Variants in SLC25A48 observed in about 807,000 individuals in gnomAD.
The protein encoded by SLC25A48 is CTC-321K16.1.
Under a neutral mutation model 32.2 loss-of-function variants are expected in SLC25A48, and 29 were observed. The observed-to-expected ratio is 0.90, with a 90% CI of 0.67 to 1.23. The LOEUF (loss-of-function observed/expected upper bound fraction) is 1.23. SLC25A48 is among the 50% of genes most tolerant of loss of function. The probability of loss-of-function intolerance (pLI) is 0.00; values close to 1 mark genes in which losing one functional copy is unlikely to be tolerated. For missense variants in SLC25A48, 399 were observed against 422.7 expected (o/e 0.94, Z 0.49); for synonymous variants, 164 against 172.3 (o/e 0.95, Z 0.38).
At chr5:135,785,773 A>G (rs1435505286) in intron 3 of SLC25A48, among the ~76,000 whole-genome samples, 1 of 144,112 alleles carries the variant, frequency 6.9e-6, no homozygotes, top group African/African-American at 2.6e-5. Context: ...CGCTTGCCCC[A>G]TGGATCGTAA....
chr5:135,830,928 T>C (rs1364923407), upstream of SLC25A48, among the ~76,000 whole-genome samples: 5 of 151,998 alleles, frequency 3.3e-5, no homozygotes, highest in African/African-American at 1.2e-4. Flanking sequence ...CTGAGCGGCA[T>C]GGTGAGAGTT....
chr5:135,679,081 T>C (rs1419441222), intron 3 of SLC25A48, among the ~76,000 whole-genome samples: 1 of 152,154 alleles, frequency 6.6e-6, no homozygotes, highest in African/African-American at 2.4e-5. Flanking sequence ...CTTGGGCCCC[T>C]GGGCAGCAGT....
At chr5:135,826,845 C>T (rs1758071031) in intron 4 of SLC25A48, 1 of 152,258 alleles carries the variant, frequency 6.6e-6, no homozygotes, top group African/African-American at 2.4e-5. Flanking sequence ...TACATTCTTC[C>T]TCAGTGGGTC....
chr5:135,599,747 T>G (rs1751743520), intron 1 of SLC25A48, among the ~76,000 whole-genome samples: 1 of 152,220 alleles, frequency 6.6e-6, no homozygotes. Context: ...CTTGTTCATT[T>G]TATCCAGCCA....
At chr5:135,808,485 T>C (rs1457788470) in intron 3 of SLC25A48, among the ~76,000 whole-genome samples, 2 of 152,102 alleles carry the variant, frequency 1.3e-5, no homozygotes, top group Non-Finnish European at 2.9e-5. Context: ...CTCCAAAGAA[T>C]ACTTTACCAT....
At chr5:135,689,496 G>A (rs1265818202) in intron 3 of SLC25A48, among the ~76,000 whole-genome samples, 1 of 152,166 alleles carries the variant, frequency 6.6e-6, no homozygotes, top group Non-Finnish European at 1.5e-5. Context: ...AAAAGAAAGG[G>A]CCTTGAGAGC....
chr5:135,639,695 A>G lies in SLC25A48; in HGVS notation c.-521+4739A>G, dbSNP rs72789409. On this transcript the variant is annotated intron_variant, in intron 3 of 10. Transcript: ENST00000646290. Reference sequence around the variant, plus strand: ...GTATTAGGAATAAGGACCATGCTCTAGAGTAAAGTTCATACCCTGAGACTA... The same window carrying G: ...GTATTAGGAATAAGGACCATGCTCTGGAGTAAAGTTCATACCCTGAGACTA... Among the ~76,000 whole-genome samples the G allele has an allele frequency of 6.4e-3, 970 of 152,366 alleles. 2 individuals carry two copies. Among genetic ancestry groups the G allele is most frequent in the Non-Finnish European group, 9.5e-3 (643 of 68,040 alleles).
At chr5:135,675,270 A>G (rs898920256) in intron 3 of SLC25A48, among the ~76,000 whole-genome samples, 7 of 152,014 alleles carry the variant, frequency 4.6e-5, no homozygotes, top group African/African-American at 1.7e-4. Context: ...TAGTTTGAAA[A>G]TATTTTCTCC....
chr5:135,762,227 A>G (rs1756078191), intron 3 of SLC25A48, among the ~76,000 whole-genome samples: 1 of 152,214 alleles, frequency 6.6e-6, no homozygotes, highest in African/African-American at 2.4e-5. Context: ...GGGGCTAGGA[A>G]ATCTATGTGT....
intron 7 of SLC25A48, 103 bp from the exon 8 acceptor site, chr5:135,887,929 G>A: frequency 1.8e-6 from 2 of 1,096,016 alleles, no homozygotes; most frequent in Non-Finnish European, 2.7e-6. Context: ...ACTGTAAAGT[G>A]CAAAACATAG....
intron 2 of SLC25A48, among the ~76,000 whole-genome samples, chr5:135,849,468 C>T (rs995476878): frequency 6.6e-6 from 1 of 152,178 alleles, no homozygotes; most frequent in African/African-American, 2.4e-5. Context: ...ACCCTCTATG[C>T]CTGTCAGCTC....
At chr5:135,620,841 A>G (rs1277788195) in intron 1 of SLC25A48, among the ~76,000 whole-genome samples, 1 of 152,100 alleles carries the variant, frequency 6.6e-6, no homozygotes, top group African/African-American at 2.4e-5. Context: ...GCGAGAGTTG[A>G]GGGGCTCTCC....
intron 7 of SLC25A48, among the ~76,000 whole-genome samples, chr5:135,885,314 C>G (rs1182914018): frequency 6.6e-6 from 1 of 152,128 alleles, no homozygotes; most frequent in African/African-American, 2.4e-5. Flanking sequence ...AAAGGGTTCC[C>G]AAGTGATCCC....
At chr5:135,749,046 T>A (rs1191966539) in intron 3 of SLC25A48, among the ~76,000 whole-genome samples, 1 of 152,116 alleles carries the variant, frequency 6.6e-6, no homozygotes, top group Admixed American at 6.5e-5. Context: ...CAGGTCCATT[T>A]TGTTCTTCCT....
At chr5:135,682,984 G>A (rs188455999) in intron 3 of SLC25A48, among the ~76,000 whole-genome samples, 2 of 152,304 alleles carry the variant, frequency 1.3e-5, no homozygotes, top group African/African-American at 4.8e-5. Context: ...AGAGAGGGTA[G>A]AAGGGATTAA....
At chr5:135,878,389 C>T (rs540937556) in intron 6 of SLC25A48, among the ~76,000 whole-genome samples, 1 of 152,314 alleles carries the variant, frequency 6.6e-6, no homozygotes, top group East Asian at 1.9e-4. Flanking sequence ...GGCTGTTATT[C>T]AGTCACTCTG....
chr5:135,693,239 T>A (rs1185271748), intron 3 of SLC25A48, among the ~76,000 whole-genome samples: 1 of 152,218 alleles, frequency 6.6e-6, no homozygotes, highest in African/African-American at 2.4e-5. Flanking sequence ...CATAGTCTAC[T>A]GTGGTAAATG....
At chr5:135,792,267 A>G (rs1757050906) in intron 3 of SLC25A48, among the ~76,000 whole-genome samples, 1 of 151,816 alleles carries the variant, frequency 6.6e-6, no homozygotes, top group South Asian at 2.1e-4. Flanking sequence ...GCATGTGTGT[A>G]CAACCCCTGT....
Position 135,671,044 on chromosome 5 carries a change from C to T in SLC25A48, c.-521+36088C>T, listed in dbSNP as rs891490854. Among the ~76,000 whole-genome samples the T allele has an allele frequency of 4.7e-4, 71 of 152,250 alleles. 1 individual carries two copies. Among genetic ancestry groups the T allele is most frequent in the Non-Finnish European group, 5.9e-5 (4 of 68,022 alleles). ...TTGGGGCCTGCTGTCATGGCACGGA[C>T]GAATGGCTTGGGGGTCAGTGTTGGG... On this transcript the variant is annotated intron_variant, in intron 3 of 10. Coordinates refer to the SLC25A48 transcript ENST00000646290.
Sources: gnomAD v4.1 joint callset for allele counts (sites outside exome capture counted in the v4.1 genomes callset) on GRCh38, gnomAD v4.1.1 for gene constraint, MANE v1.5 for transcripts, NCBI Gene and HGNC (gene_info 2026-07-23, HGNC 2026-07-21) for gene names.